VGLL3: variants seen among roughly 807,000 people sequenced by gnomAD.
The protein encoded by VGLL3 is transcription cofactor vestigial-like protein 3.
VGLL3 carries 18 observed loss-of-function variants against 29.2 expected under a neutral mutation model. The ratio of observed to expected loss-of-function variants is 0.62; its 90% CI spans 0.43 to 0.91. The LOEUF is 0.91. VGLL3 is among the 40% of genes least tolerant of loss of function. The pLI is 0.00. For missense variants in VGLL3, 440 were observed against 413.2 expected (o/e 1.06, Z -0.56); for synonymous variants, 180 against 151.8 (o/e 1.19, Z -1.36).
intron 2 of VGLL3, among the ~76,000 whole-genome samples, chr3:86,971,517 G>A (rs1705100163): frequency 6.6e-6 from 1 of 152,200 alleles, no homozygotes; most frequent in Non-Finnish European, 1.5e-5. Flanking sequence ...CACACTTTAA[G>A]TCTTCAAACA....
At chr3:86,961,936 A>G (rs1439339480) in intron 3 of VGLL3, 1 of 980,534 alleles carries the variant, frequency 1.0e-6, no homozygotes, top group East Asian at 1.1e-4. Context: ...ACTGAAGAAT[A>G]TATAAAACAT....
At chr3:86,985,945 C>G (rs1294542773) in intron 1 of VGLL3, among the ~76,000 whole-genome samples, 1 of 152,086 alleles carries the variant, frequency 6.6e-6, no homozygotes, top group African/African-American at 2.4e-5. Flanking sequence ...GCTTTAAGAT[C>G]TGCCTTAGGC....
In VGLL3 at chr3:86,942,199, C is replaced by G. The variant is rs181309739; in HGVS notation, c.*4825G>C. 48 of 152,174 alleles carry G rather than the reference C, an allele frequency of 3.2e-4. 1 individual carries two copies. In the East Asian group the frequency reaches 7.3e-3, roughly 23 times the overall value. 9.4% of individuals were successfully genotyped at this position (152,174 alleles called of 1,614,324 possible). Reference sequence around the variant, plus strand: ...AAGAAAAAAAATGAGTTTCTAGGAGCCTCTCCATTAAACTGGCAGGCTGAT... The same window carrying G: ...AAGAAAAAAAATGAGTTTCTAGGAGGCTCTCCATTAAACTGGCAGGCTGAT... On this transcript the variant is annotated 3_prime_UTR_variant, in exon 4 of 4. Transcript: ENST00000398399.
rs1704504580 is a variant in VGLL3, at chr3:86,946,284, A to T, written c.*740T>A. On this transcript the variant is annotated 3_prime_UTR_variant, in exon 4 of 4. Coordinates refer to ENST00000398399, the MANE Select transcript of VGLL3 (RefSeq NM_016206.4). ...ATATCATTTCTTTAGCACAGTCATTAAAAAAAAACTTTTCAAGCTATACAT... is the reference window on the plus strand; with the variant it reads ...ATATCATTTCTTTAGCACAGTCATTTAAAAAAAACTTTTCAAGCTATACAT... 1 of 147,560 alleles carries T rather than the reference A, an allele frequency of 6.8e-6. No homozygotes were observed. Among genetic ancestry groups the T allele is most frequent in the Non-Finnish European group, 1.5e-5 (1 of 67,622 alleles). The allele number at this position is 147,560 out of a possible 1,614,324, so 9.1% of individuals were successfully genotyped here. A position where few individuals can be genotyped will look rare whatever the true frequency, so the allele number is the denominator to read the frequency against.
At chr3:86,955,233 C>T (rs1329159843) in intron 3 of VGLL3, among the ~76,000 whole-genome samples, 2 of 152,178 alleles carry the variant, frequency 1.3e-5, no homozygotes, top group East Asian at 3.9e-4. Context: ...CTGAAATATA[C>T]TTGCATTTTA....
intron 3 of VGLL3, among the ~76,000 whole-genome samples, chr3:86,964,914 C>T (rs1001309601): frequency 1.3e-5 from 2 of 152,118 alleles, no homozygotes; most frequent in African/African-American, 4.8e-5. Context: ...AATCCCAGCA[C>T]TTTGGGAGGC....
intron 1 of VGLL3, among the ~76,000 whole-genome samples, chr3:86,986,216 G>A (rs1705438250): frequency 6.6e-6 from 1 of 151,890 alleles, no homozygotes; most frequent in African/African-American, 2.4e-5. Context: ...TTTTACTAAG[G>A]GCTAGATAAG....
intron 3 of VGLL3, among the ~76,000 whole-genome samples, chr3:86,954,613 A>T (rs1014053197): frequency 6.6e-6 from 1 of 152,100 alleles, no homozygotes; most frequent in Non-Finnish European, 1.5e-5. Context: ...TGAATCATAG[A>T]GTTAGGTAGT....
At chr3:86,952,851 T>A (rs1363908852) in intron 3 of VGLL3, among the ~76,000 whole-genome samples, 1 of 152,160 alleles carries the variant, frequency 6.6e-6, no homozygotes, top group Non-Finnish European at 1.5e-5. Context: ...CATTGACATA[T>A]GATCACAAAA....
At chr3:86,955,707 T>G (rs540900208) in intron 3 of VGLL3, among the ~76,000 whole-genome samples, 1 of 152,130 alleles carries the variant, frequency 6.6e-6, no homozygotes, top group Non-Finnish European at 1.5e-5. Flanking sequence ...CACTTTTATG[T>G]GACATGAACA....
intron 2 of VGLL3, among the ~76,000 whole-genome samples, chr3:86,970,975 G>A (rs951704596): frequency 6.6e-6 from 1 of 152,004 alleles, no homozygotes; most frequent in African/African-American, 2.4e-5. Context: ...AGTGCCCTAT[G>A]GATTATTTTT....
intron 3 of VGLL3, among the ~76,000 whole-genome samples, chr3:86,956,189 C>A (rs1176375101): frequency 6.6e-6 from 1 of 152,160 alleles, no homozygotes; most frequent in Non-Finnish European, 1.5e-5. Context: ...TTGAGCTGTT[C>A]CTTTAGATGC....
At chr3:86,953,623 G>C (rs762304436) in intron 3 of VGLL3, among the ~76,000 whole-genome samples, 10 of 152,076 alleles carry the variant, frequency 6.6e-5, no homozygotes, top group Non-Finnish European at 1.0e-4. Context: ...CAATATTATA[G>C]ATTAAAAGTA....
intron 3 of VGLL3, among the ~76,000 whole-genome samples, chr3:86,963,987 A>G (rs866350710): frequency 5.3e-5 from 8 of 152,376 alleles, no homozygotes; most frequent in Middle Eastern, 3.4e-3. Flanking sequence ...TAAAAATTAT[A>G]CACAGGGATG....
intron 2 of VGLL3, among the ~76,000 whole-genome samples, chr3:86,973,606 G>A (rs562093116): frequency 6.6e-5 from 10 of 152,264 alleles, no homozygotes; most frequent in Non-Finnish European, 1.3e-4. Context: ...GTCAGAGGCC[G>A]ATACTCCTTG....
chr3:86,946,921 T>G lies in VGLL3; in HGVS notation c.*103A>C. On this transcript the variant is annotated 3_prime_UTR_variant, in exon 4 of 4. Transcript: ENST00000398399. Reference sequence around the variant, plus strand: ...TGCGTGACACTTTGTCTTCTCCTTCTATGCCTTTCGTGTCCTATTGCTGAA... The same window carrying G: ...TGCGTGACACTTTGTCTTCTCCTTCGATGCCTTTCGTGTCCTATTGCTGAA... 1.4e-6 allele frequency: 1 copy of G among 740,678 alleles called. No homozygotes were observed. The highest frequency in any genetic ancestry group is 1.5e-5 in the South Asian group (1 of 67,282). 45.9% of individuals were successfully genotyped at this position (740,678 alleles called of 1,614,324 possible).
In VGLL3 at chr3:86,946,853, G is replaced by C; in HGVS notation, c.*171C>G. 1 of 569,940 alleles carries C rather than the reference G, an allele frequency of 1.8e-6. No individual in the cohort carries two copies. The highest frequency in any genetic ancestry group is 3.2e-6 in the Non-Finnish European group (1 of 316,046). 35.3% of individuals were successfully genotyped at this position (569,940 alleles called of 1,614,324 possible). Reference sequence around the variant, plus strand: ...TAAAAATGCTTTTCTTCAATGTCTGGGACCCACTTTGCTTTCTCAAGAAAG... The same window carrying C: ...TAAAAATGCTTTTCTTCAATGTCTGCGACCCACTTTGCTTTCTCAAGAAAG... On this transcript the variant is annotated 3_prime_UTR_variant, in exon 4 of 4. Transcript: ENST00000398399.
chr3:86,973,274 G>T (rs1343296468), intron 2 of VGLL3, among the ~76,000 whole-genome samples: 1 of 152,062 alleles, frequency 6.6e-6, no homozygotes, highest in Non-Finnish European at 1.5e-5. Context: ...AAACACATTA[G>T]AATCAATATT....
At chr3:86,981,009 T>C (rs997949631) in intron 1 of VGLL3, among the ~76,000 whole-genome samples, 3 of 152,160 alleles carry the variant, frequency 2.0e-5, no homozygotes, top group African/African-American at 7.2e-5. Context: ...AATTGTAACA[T>C]TCATTCTTTA....
Sources: allele counts gnomAD v4.1 joint callset (sites outside exome capture counted in the v4.1 genomes callset), GRCh38; gene constraint gnomAD v4.1.1; transcripts MANE v1.5; gene names NCBI Gene and HGNC (gene_info 2026-07-23, HGNC 2026-07-21).